Variants in FAAH2 observed in about 807,000 individuals in gnomAD.
The protein encoded by FAAH2 is fatty acid amide hydrolase 2.
FAAH2 carries 60 observed loss-of-function variants against 36.9 expected under a neutral mutation model. That is an observed-to-expected ratio of 1.63 (90% confidence interval 1.32 to 2.02). The LOEUF (loss-of-function observed/expected upper bound fraction) is 2.02, where lower values mean the gene tolerates loss of function less well. Ranked by LOEUF, FAAH2 falls within the 30% of genes most tolerant of loss-of-function variation. FAAH2 has a pLI of 0.00. For missense variants in FAAH2, 689 were observed against 397.5 expected (o/e 1.73, Z -6.23); for synonymous variants, 214 against 143.8 (o/e 1.49, Z -3.49).
chrX:57,464,846 A>G (rs2057022628), intron 10 of FAAH2, among the ~76,000 whole-genome samples: 1 of 111,587 alleles, frequency 9.0e-6, no homozygotes, highest in African/African-American at 3.2e-5. Flanking sequence ...ATATATAATA[A>G]AAGTTGAAAT....
the FAAH2 span, among the ~76,000 whole-genome samples, chrX:57,163,954 A>T: frequency 8.9e-6 from 1 of 112,619 alleles, no homozygotes; most frequent in East Asian, 2.8e-4. Context: ...ATGCTGTGGA[A>T]TTCTGATGAT....
At chrX:57,419,487 C>T (rs1328825034) in intron 7 of FAAH2, among the ~76,000 whole-genome samples, 3 of 112,112 alleles carry the variant, frequency 2.7e-5, no homozygotes, top group Non-Finnish European at 5.6e-5. Context: ...AGCATTTTTT[C>T]GTGTGTTTTT....
intron 8 of FAAH2, among the ~76,000 whole-genome samples, chrX:57,436,413 A>G (rs2056411913): frequency 9.0e-6 from 1 of 110,531 alleles, no homozygotes; most frequent in South Asian, 3.8e-4. Flanking sequence ...GGAAAGGTAG[A>G]AGTACAAAGG....
At chrX:57,261,410 G>A in the FAAH2 span, among the ~76,000 whole-genome samples, 1 of 108,727 alleles carries the variant, frequency 9.2e-6, no homozygotes, top group East Asian at 2.9e-4. Context: ...AAAATTAGCT[G>A]GGCATGGTGG....
At chrX:57,146,635 C>G in the FAAH2 span, among the ~76,000 whole-genome samples, 1 of 111,915 alleles carries the variant, frequency 8.9e-6, no homozygotes, top group Admixed American at 9.5e-5. Context: ...GCATCCTTGT[C>G]TTGTTCCAGT....
intron 7 of FAAH2, among the ~76,000 whole-genome samples, chrX:57,383,339 C>A (rs908135641): frequency 1.8e-5 from 2 of 111,524 alleles, no homozygotes; most frequent in African/African-American, 6.5e-5. Context: ...AATCAGGCAG[C>A]AGAAGGAAAT....
chrX:57,240,924 T>C, the FAAH2 span, among the ~76,000 whole-genome samples: 1 of 112,156 alleles, frequency 8.9e-6, no homozygotes, highest in Non-Finnish European at 1.9e-5. Flanking sequence ...ACAGGCAACA[T>C]AACCCTATTC....
chrX:57,244,215 G>A, the FAAH2 span, among the ~76,000 whole-genome samples: 1 of 109,351 alleles, frequency 9.1e-6, no homozygotes, highest in South Asian at 3.9e-4. Context: ...AAAAAGAAAC[G>A]AACAAAGTTT....
chrX:57,383,096 T>A (rs943765271), intron 7 of FAAH2, among the ~76,000 whole-genome samples: 4 of 111,778 alleles, frequency 3.6e-5, no homozygotes, highest in Non-Finnish European at 7.5e-5. Flanking sequence ...TCTCAATAGA[T>A]GCAGAAAAGG....
At chrX:57,476,421 T>C (rs957393514) in intron 10 of FAAH2, among the ~76,000 whole-genome samples, 1 of 111,773 alleles carries the variant, frequency 8.9e-6, no homozygotes, top group African/African-American at 3.3e-5. Context: ...TGTTGAATTT[T>C]ATCAAAGGCC....
chrX:57,183,898 A>T, the FAAH2 span, among the ~76,000 whole-genome samples: 2 of 110,157 alleles, frequency 1.8e-5, no homozygotes, highest in South Asian at 3.9e-4. Flanking sequence ...ATATCGCTAA[A>T]TTTTTTTCCT....
chrX:57,180,912 C>G, the FAAH2 span, among the ~76,000 whole-genome samples: 1 of 111,438 alleles, frequency 9.0e-6, no homozygotes, highest in Non-Finnish European at 1.9e-5. Flanking sequence ...AAACTAAATC[C>G]TGCAACACAT....
chrX:57,182,318 C>T, the FAAH2 span, among the ~76,000 whole-genome samples: 6 of 111,787 alleles, frequency 5.4e-5, no homozygotes, highest in African/African-American at 1.3e-4. Context: ...AAAATATTTG[C>T]AAGTTATGCA....
chrX:57,147,238 C>T, the FAAH2 span, among the ~76,000 whole-genome samples: 1 of 111,540 alleles, frequency 9.0e-6, no homozygotes, highest in African/African-American at 3.3e-5. Flanking sequence ...TTCAATCTTG[C>T]TGCTTGTTAT....
At chrX:57,329,832 C>T (rs1231554896) in intron 3 of FAAH2, among the ~76,000 whole-genome samples, 1 of 111,321 alleles carries the variant, frequency 9.0e-6, no homozygotes, top group Non-Finnish European at 1.9e-5. Flanking sequence ...TTATTAGTTC[C>T]CCAAATTAAT....
intron 3 of FAAH2, among the ~76,000 whole-genome samples, chrX:57,321,008 T>A (rs2053004747): frequency 9.2e-6 from 1 of 109,112 alleles, no homozygotes; most frequent in Non-Finnish European, 1.9e-5. Flanking sequence ...GGTGTGGTGG[T>A]GGGCGCCTGT....
the FAAH2 span, among the ~76,000 whole-genome samples, chrX:57,168,244 CA>C: frequency 1.8e-5 from 2 of 110,421 alleles, no homozygotes; most frequent in Non-Finnish European, 3.8e-5. Context: ...CTGGAATCAT[CA>C]GTTTTTCCAA....
upstream of FAAH2, among the ~76,000 whole-genome samples, chrX:57,285,330 C>T (rs985874774): frequency 8.9e-6 from 1 of 112,061 alleles, no homozygotes; most frequent in Non-Finnish European, 1.9e-5. Flanking sequence ...CTTCAACGCT[C>T]ATTATCTCAT....
At chrX:57,474,125 G>T (rs186598115) in intron 10 of FAAH2, among the ~76,000 whole-genome samples, 1 of 111,948 alleles carries the variant, frequency 8.9e-6, no homozygotes, top group African/African-American at 3.2e-5. Context: ...GTCTGACAGT[G>T]AGTATCTTCC....
Sources: gnomAD v4.1 joint callset for allele counts (sites outside exome capture counted in the v4.1 genomes callset) on GRCh38, gnomAD v4.1.1 for gene constraint, MANE v1.5 for transcripts, NCBI Gene and HGNC (gene_info 2026-07-23, HGNC 2026-07-21) for gene names.